Variants in SLC15A2 observed in about 807,000 individuals in gnomAD.
SLC15A2 encodes the protein kidney H(+)/peptide cotransporter.
In SLC15A2, 77 loss-of-function variants were observed where a neutral mutation model predicts 95.5. That is an observed-to-expected ratio of 0.81 (90% CI 0.67 to 0.97). SLC15A2 has a LOEUF of 0.97. Ranked by LOEUF, SLC15A2 falls within the 50% of genes least tolerant of loss-of-function variation. The pLI is 0.00. For synonymous variants in SLC15A2, 306 were observed against 306.9 expected, an observed-to-expected ratio of 1.00 and a Z score of 0.03; for missense variants, 893 against 874.4, an observed-to-expected ratio of 1.02 and a Z score of -0.27.
intron 14 of SLC15A2, 106 bp downstream of exon 14, chr3:121,927,945 T>C (rs1710154260): frequency 2.5e-6 from 2 of 792,278 alleles, no homozygotes; most frequent in South Asian, 3.2e-5. Context: ...ACAGTACCTG[T>C]TTTATAAGAG....
chr3:121,896,684 G>A (rs906219773), intron 2 of SLC15A2, among the ~76,000 whole-genome samples, 191 bp downstream of exon 2: 9 of 152,016 alleles, frequency 5.9e-5, no homozygotes, highest in Non-Finnish European at 8.8e-5. Context: ...TGTAGGCCAA[G>A]ATCAGAAAGG....
rs17854312 is a variant in SLC15A2, at chr3:121,940,393, A to G, written c.1918A>G (p.Ser640Gly). The change falls in exon 21 of 22, where the codon AGC becomes GGC. Residue 640 changes from serine to glycine, a missense_variant. Transcript: ENST00000489711. ...LEFSYSQAPS[S>G]MKSVLQAAWL... ...CTTGTGTCATCCCCAGGCTCCCTCTAGCATGAAATCTGTGCTCCAGGCAGC... is the reference window on the plus strand; with the variant it reads ...CTTGTGTCATCCCCAGGCTCCCTCTGGCATGAAATCTGTGCTCCAGGCAGC... The G allele has an allele frequency of 3.7e-6, 6 of 1,613,890 alleles. No individual in the cohort carries two copies. Among genetic ancestry groups the G allele is most frequent in the Non-Finnish European group, 4.2e-6 (5 of 1,179,812 alleles).
intron 3 of SLC15A2, among the ~76,000 whole-genome samples, chr3:121,898,327 T>G (rs1399416724): frequency 6.6e-6 from 1 of 152,176 alleles, no homozygotes; most frequent in African/African-American, 2.4e-5. Context: ...TTTTGTAGTT[T>G]CCTTCTTATG....
rs777959237 is a variant in SLC15A2, at chr3:121,924,433, G to A, written c.1035+50G>A. On this transcript the variant is annotated intron_variant, in intron 12 of 21. Coordinates refer to ENST00000489711, the MANE Select transcript of SLC15A2 (RefSeq NM_021082.4). ...GGGACTTATTTGTTTCCTTATCTAT[G>A]CCTCCACCTGCAGTATTACGATTAA... 2.5e-5 allele frequency: 36 copies of A among 1,437,408 alleles called. No homozygotes were observed. In the East Asian group the frequency reaches 8.0e-4, roughly 32 times the overall value. The allele number at this position is 1,437,408 out of a possible 1,614,324, so 89.0% of individuals were successfully genotyped here. A position where few individuals can be genotyped will look rare whatever the true frequency, so the allele number is the denominator to read the frequency against.
At chr3:121,896,577 A>G in intron 2 of SLC15A2, 84 bp downstream of exon 2, 2 of 1,066,470 alleles carry the variant, frequency 1.9e-6, no homozygotes, top group South Asian at 1.3e-5. Context: ...CTTTATATGC[A>G]CTTATTTCCC....
chr3:121,922,725 G>T lies in SLC15A2; in HGVS notation c.781-50G>T, dbSNP rs376903174. ...AAGGTATAATAAGTTGGAAAAGGCA[G>T]AGGATGTTTTTCTCTTTGTCTCTCC... On this transcript the variant is annotated intron_variant, in intron 8 of 21. Coordinates refer to ENST00000489711, the MANE Select transcript of SLC15A2 (RefSeq NM_021082.4). 2.9e-6 allele frequency: 4 copies of T among 1,369,576 alleles called. No individual in the cohort carries two copies. In the African/African-American group the frequency reaches 5.8e-5, roughly 20 times the overall value. The allele number at this position is 1,369,576 out of a possible 1,614,324, so 84.8% of individuals were successfully genotyped here.
chr3:121,903,726 C>A (rs1399422426), intron 3 of SLC15A2, among the ~76,000 whole-genome samples: 1 of 152,086 alleles, frequency 6.6e-6, no homozygotes, highest in East Asian at 1.9e-4. Context: ...GTTTTGGTAC[C>A]AGTACCATGC....
chr3:121,921,309 C>T (rs149343693), intron 7 of SLC15A2, among the ~76,000 whole-genome samples: 1 of 152,188 alleles, frequency 6.6e-6, no homozygotes, highest in Non-Finnish European at 1.5e-5. Flanking sequence ...CCTGTGTTAC[C>T]AGTAGTGTCT....
At chr3:121,927,985 T>A in intron 14 of SLC15A2, 146 bp downstream of exon 14, 1 of 648,182 alleles carries the variant, frequency 1.5e-6, no homozygotes. Context: ...GATAAATAAG[T>A]AGATACAGGG....
At chr3:121,938,506 C>G (rs371698513) in intron 19 of SLC15A2, among the ~76,000 whole-genome samples, 61 of 151,938 alleles carry the variant, frequency 4.0e-4, no homozygotes, top group African/African-American at 1.3e-3. Context: ...CGCAGTATTC[C>G]GGTGGGAGTG....
In SLC15A2 at chr3:121,941,012, T is replaced by C. The variant is rs376337534; in HGVS notation, c.*5T>C. 3 of 1,611,248 alleles carry C rather than the reference T, an allele frequency of 1.9e-6. No individual in the cohort carries two copies. Among genetic ancestry groups the C allele is most frequent in the Non-Finnish European group, 2.5e-6 (3 of 1,178,858 alleles). On this transcript the variant is annotated 3_prime_UTR_variant, in exon 22 of 22. Coordinates refer to ENST00000489711, the MANE Select transcript of SLC15A2 (RefSeq NM_021082.4). Reference sequence around the variant, plus strand: ...ACCAAGAAGACAAAACTCTGATGACTCCCTAGATTCTGTCCTGACCCCAAT... The same window carrying C: ...ACCAAGAAGACAAAACTCTGATGACCCCCTAGATTCTGTCCTGACCCCAAT...
At chr3:121,934,587 T>A (rs1333186186) in intron 19 of SLC15A2, among the ~76,000 whole-genome samples, 8 of 151,092 alleles carry the variant, frequency 5.3e-5, no homozygotes, top group South Asian at 4.2e-4. Context: ...TGTATAAGAA[T>A]GCTTGTGATT....
At chr3:121,924,178 G>C (rs1280669422) in intron 11 of SLC15A2, among the ~76,000 whole-genome samples, 173 bp from the exon 12 acceptor site, 3 of 152,164 alleles carry the variant, frequency 2.0e-5, no homozygotes, top group African/African-American at 7.2e-5. Context: ...TCCCAAGTCT[G>C]TTCCCATCCC....
At chr3:121,913,191 C>A in intron 5 of SLC15A2, 71 bp downstream of exon 5, 2 of 1,197,608 alleles carry the variant, frequency 1.7e-6, no homozygotes, top group Non-Finnish European at 2.5e-6. Context: ...GGCAGGTAGC[C>A]ATTTGCCAAG....
At chr3:121,900,880 T>C (rs1324943806) in intron 3 of SLC15A2, among the ~76,000 whole-genome samples, 2 of 151,630 alleles carry the variant, frequency 1.3e-5, no homozygotes, top group African/African-American at 4.8e-5. Flanking sequence ...TATTTAATTA[T>C]TTATATATGA....
intron 2 of SLC15A2, among the ~76,000 whole-genome samples, chr3:121,896,901 C>CAA (rs71133581): frequency 1.1e-4 from 10 of 88,182 alleles, no homozygotes; most frequent in African/African-American, 1.8e-4. Context: ...AACTCATCTC[C>CAA]AAAAAAAAAA....
At chr3:121,940,129 T>A (rs1710432537) in intron 20 of SLC15A2, among the ~76,000 whole-genome samples, 1 of 152,198 alleles carries the variant, frequency 6.6e-6, no homozygotes, top group Admixed American at 6.5e-5. Context: ...TTTAAATGTA[T>A]AAGAATACGA....
chr3:121,895,928 A>G (rs1709405911), intron 1 of SLC15A2, among the ~76,000 whole-genome samples: 1 of 152,238 alleles, frequency 6.6e-6, no homozygotes, highest in African/African-American at 2.4e-5. Flanking sequence ...AGTAGAAGCT[A>G]TCATATTGCC....
chr3:121,907,643 A>G (rs7645647), intron 3 of SLC15A2, among the ~76,000 whole-genome samples: 67,658 of 151,840 alleles, frequency 0.45, 15,556 homozygotes, highest in East Asian at 0.69. Flanking sequence ...GTTTGCTAGA[A>G]GTCCACTCCA....
Sources: gnomAD v4.1 joint callset for allele counts (sites outside exome capture counted in the v4.1 genomes callset) on GRCh38, gnomAD v4.1.1 for gene constraint, MANE v1.5 for transcripts, NCBI Gene and HGNC (gene_info 2026-07-23, HGNC 2026-07-21) for gene names.